The following DNAH17 variants were observed in gnomAD, a reference collection of about 807,000 sequenced individuals.
DNAH17 encodes axonemal beta dynein heavy chain 17.
A neutral mutation model predicts 485.6 loss-of-function variants in DNAH17; 376 were observed. The observed-to-expected ratio is 0.77, with a 90% CI of 0.71 to 0.84. DNAH17 has a LOEUF of 0.84. Ranked by LOEUF, DNAH17 falls within the 40% of genes least tolerant of loss-of-function variation. The pLI is 0.00. For missense variants in DNAH17, 6,370 were observed against 5,839.3 expected, an observed-to-expected ratio of 1.09 and a Z score of -2.96; for synonymous variants, 3,031 against 2,405.9, an observed-to-expected ratio of 1.26 and a Z score of -7.60.
At chr17:78,444,986 A>G (rs1417299849) in intron 70 of DNAH17, among the ~76,000 whole-genome samples, 189 bp from the exon 71 acceptor site, 3 of 152,096 alleles carry the variant, frequency 2.0e-5, no homozygotes, top group African/African-American at 7.2e-5. Flanking sequence ...ATCCCAGGAC[A>G]GCGCCGGGAG....
intron 12 of DNAH17, 61 bp downstream of exon 12, chr17:78,561,654 C>CCT (rs2092157521): frequency 6.6e-7 from 1 of 1,517,432 alleles, no homozygotes; most frequent in Non-Finnish European, 8.8e-7. Flanking sequence ...TGGGACAGTC[C>CCT]CTCTCGCTCT....
At chr17:78,554,493 G>A (rs1333478223) in intron 14 of DNAH17, among the ~76,000 whole-genome samples, 1 of 88,036 alleles carries the variant, frequency 1.1e-5, no homozygotes, top group Admixed American at 1.5e-4. Context: ...ATATAGTTTT[G>A]TTCTAGTTTG....
chr17:78,430,576 T>C (rs1223859660), intron 75 of DNAH17, among the ~76,000 whole-genome samples: 2 of 152,192 alleles, frequency 1.3e-5, no homozygotes, highest in African/African-American at 4.8e-5. Flanking sequence ...CATATGTATA[T>C]ATTTTTTAGG....
chr17:78,485,303 GACC>G, intron 47 of DNAH17: 1 of 616,772 alleles, frequency 1.6e-6, no homozygotes, highest in Non-Finnish European at 2.8e-6. Context: ...ACTCCCGGGG[GACC>G]TGCTGCCTCG....
chr17:78,426,569 T>A lies in DNAH17; in HGVS notation c.12803A>T (p.Asp4268Val), dbSNP rs1255418544. The A allele has an allele frequency of 5.0e-6, 8 of 1,612,278 alleles. No homozygotes were observed. Among genetic ancestry groups the A allele is most frequent in the Non-Finnish European group, 6.8e-6 (8 of 1,178,862 alleles). The change falls in exon 79 of 81, where the codon GAT becomes GTT. Residue 4268 changes from aspartate (D) to valine (V), a missense_variant. Asp to Val is a radical substitution (Grantham distance 152). Transcript: ENST00000389840. ...GTCATAGAAGAGAGCCGTGGACAGATCTTCCACGTCGGTCGTGATGGTCAG... is the reference window on the plus strand; with the variant it reads ...GTCATAGAAGAGAGCCGTGGACAGAACTTCCACGTCGGTCGTGATGGTCAG... ...GELTITTDVEDLSTALFYDTV... is the reference protein window; with the variant it reads ...GELTITTDVEVLSTALFYDTV...
At chr17:78,475,555 G>A in intron 53 of DNAH17, 86 bp from the exon 54 acceptor site, 1 of 1,602,302 alleles carries the variant, frequency 6.2e-7, no homozygotes, top group Non-Finnish European at 8.5e-7. Flanking sequence ...ATGCTGAGGT[G>A]TGCACTGTGT....
At chr17:78,551,171 C>T (rs764866824) in intron 16 of DNAH17, among the ~76,000 whole-genome samples, 5 of 152,216 alleles carry the variant, frequency 3.3e-5, no homozygotes, top group African/African-American at 7.2e-5. Flanking sequence ...AGGATTCCCC[C>T]AGTGCTCCGG....
chr17:78,561,611 C>G, intron 12 of DNAH17, 104 bp downstream of exon 12: 2 of 1,369,070 alleles, frequency 1.5e-6, no homozygotes, highest in East Asian at 5.1e-5. Flanking sequence ...AGGTAACAGT[C>G]TGGTCGACAG....
intron 75 of DNAH17, among the ~76,000 whole-genome samples, chr17:78,430,876 C>G (rs2086646506): frequency 6.7e-6 from 1 of 149,150 alleles, no homozygotes; most frequent in African/African-American, 2.5e-5. Context: ...GCCACTGTGC[C>G]CAGCCCATAT....
intron 68 of DNAH17, 131 bp downstream of exon 68, chr17:78,450,123 G>A: frequency 1.8e-6 from 2 of 1,100,214 alleles, no homozygotes; most frequent in Non-Finnish European, 2.6e-6. Flanking sequence ...CCATCTGCAG[G>A]CTGGACCAGG....
intron 3 of DNAH17, among the ~76,000 whole-genome samples, chr17:78,572,410 T>C (rs2092371729): frequency 6.6e-6 from 1 of 152,096 alleles, no homozygotes; most frequent in Non-Finnish European, 1.5e-5. Context: ...TTCTGCTTGC[T>C]GGGTGGTGAC....
chr17:78,448,738 G>C (rs529576223), intron 69 of DNAH17, among the ~76,000 whole-genome samples: 38 of 152,312 alleles, frequency 2.5e-4, no homozygotes, highest in African/African-American at 8.4e-4. Context: ...TTAATGTCAT[G>C]ATCAAGGGAG....
rs2091199064 is a variant in DNAH17, at chr17:78,530,390, G to C, written c.3237C>G (p.Arg1079=). The change falls in exon 21 of 81, where the codon CGC becomes CGG. Residue 1079 remains arginine (R), a synonymous_variant. Coordinates refer to ENST00000389840, the MANE Select transcript of DNAH17 (RefSeq NM_173628.4). ...FKQALLSTIR[R]WGFMFKRHLS... ...GGTGCCGCTTGAACATGAAGCCCCA[G>C]CGCCGGATTGTGCTGAGCAGGGCCT... 1 of 1,613,348 alleles carries C rather than the reference G, an allele frequency of 6.2e-7. No homozygotes were observed. Among genetic ancestry groups the C allele is most frequent in the East Asian group, 2.2e-5 (1 of 44,870 alleles).
chr17:78,480,435 T>C (rs1232930017), intron 49 of DNAH17, among the ~76,000 whole-genome samples: 1 of 152,264 alleles, frequency 6.6e-6, no homozygotes, highest in African/African-American at 2.4e-5. Flanking sequence ...TTTATTTATC[T>C]GGAGTTTGGA....
intron 31 of DNAH17, among the ~76,000 whole-genome samples, chr17:78,504,707 C>A (rs539649057): frequency 6.6e-6 from 1 of 152,108 alleles, no homozygotes; most frequent in African/African-American, 2.4e-5. Flanking sequence ...GCAGAAGGAG[C>A]CCGCCCTGAG....
rs202159849 is a variant in DNAH17, at chr17:78,551,530, C to T, written c.2391+5G>A. The T allele has an allele frequency of 1.2e-6, 2 of 1,613,746 alleles. No homozygotes were observed. Among genetic ancestry groups the T allele is most frequent in the South Asian group, 2.2e-5 (2 of 91,082 alleles). On this transcript the variant is annotated splice_donor_5th_base_variant and intron_variant, in intron 16 of 80. Coordinates refer to ENST00000389840, the MANE Select transcript of DNAH17 (RefSeq NM_173628.4). ...GCCCCACTCTGTGCTCTGCCCCTTG[C>T]TTACCTTCATAGCCTGGGAAATTCC...
In DNAH17 at chr17:78,506,641, G is replaced by C. The variant is rs551668838; in HGVS notation, c.4803+79C>G. 43 of 1,597,408 alleles carry C rather than the reference G, an allele frequency of 2.7e-5. No homozygotes were observed. In the East Asian group the frequency reaches 9.4e-4, roughly 35 times the overall value. On this transcript the variant is annotated intron_variant, in intron 30 of 80. Coordinates refer to ENST00000389840, the MANE Select transcript of DNAH17 (RefSeq NM_173628.4). ...TCCAAGGACACTTACCCCACCCTAG[G>C]GCGGTTGAGGTAGAGGTGCCCACCT...
At chr17:78,488,650 A>T (rs936716974) in intron 44 of DNAH17, among the ~76,000 whole-genome samples, 2 of 152,250 alleles carry the variant, frequency 1.3e-5, no homozygotes, top group Non-Finnish European at 2.9e-5. Flanking sequence ...TGGTGCTACA[A>T]AAGAATGTCC....
chr17:78,566,224 A>G (rs2092263484), intron 11 of DNAH17, among the ~76,000 whole-genome samples: 1 of 152,186 alleles, frequency 6.6e-6, no homozygotes, highest in African/African-American at 2.4e-5. Context: ...AAGGCACTCT[A>G]TAAATTCAGC....
Sources: gnomAD v4.1 joint callset for allele counts (sites outside exome capture counted in the v4.1 genomes callset) on GRCh38, gnomAD v4.1.1 for gene constraint, MANE v1.5 for transcripts, NCBI Gene and HGNC (gene_info 2026-07-23, HGNC 2026-07-21) for gene names.